The following FAM110B variants were observed in gnomAD, a reference collection of about 807,000 sequenced individuals.
FAM110B encodes the protein protein FAM110B.
Under a neutral mutation model 20.4 loss-of-function variants are expected in FAM110B, and 6 were observed. The observed-to-expected ratio is 0.29, with a 90% CI of 0.16 to 0.58. FAM110B has a LOEUF of 0.58. Among genes scored for constraint, FAM110B ranks in the 20% least tolerant of loss-of-function variants. The probability of loss-of-function intolerance (pLI) is 0.90; values close to 1 mark genes in which losing one functional copy is unlikely to be tolerated. For missense variants in FAM110B, 434 were observed against 498.2 expected (o/e 0.87, Z 1.23); for synonymous variants, 226 against 214.1 (o/e 1.06, Z -0.49).
At chr8:58,049,206 A>G (rs943910753) in intron 2 of FAM110B, among the ~76,000 whole-genome samples, 1 of 152,226 alleles carries the variant, frequency 6.6e-6, no homozygotes, top group Admixed American at 6.5e-5. Flanking sequence ...TGGTTTTGAT[A>G]TAACTTTCTA....
At chr8:58,057,410 C>T (rs976881287) in intron 2 of FAM110B, among the ~76,000 whole-genome samples, 1 of 152,100 alleles carries the variant, frequency 6.6e-6, no homozygotes, top group African/African-American at 2.4e-5. Flanking sequence ...GTAAGGCTGC[C>T]CTTCTGTATT....
chr8:58,091,601 C>A (rs1806479054), intron 3 of FAM110B: 3 of 151,998 alleles, frequency 2.0e-5, no homozygotes, highest in Non-Finnish European at 4.4e-5. Flanking sequence ...CCATCAGAGC[C>A]CATGCCTGAT....
intron 1 of FAM110B, among the ~76,000 whole-genome samples, chr8:58,014,881 G>A (rs528081065): frequency 6.6e-6 from 1 of 152,122 alleles, no homozygotes; most frequent in Non-Finnish European, 1.5e-5. Flanking sequence ...ATATTTATAA[G>A]TGTAGTGATT....
chr8:58,111,751 C>T lies in FAM110B; in HGVS notation c.-324-34156C>T, dbSNP rs147601475. ...AAGCTGCTATTTTCTAGGTCCCCCA[C>T]GTGTGTGCAAACCCCTCCTTCTCTG... is the stretch of plus-strand genomic sequence containing the variant. On this transcript the variant is annotated intron_variant, in intron 3 of 3. Coordinates refer to ENST00000519262, the MANE Select transcript of FAM110B (RefSeq NM_001377989.1). 5.5e-3 allele frequency among the ~76,000 whole-genome samples: 831 copies of T among 152,258 alleles called. 9 individuals are homozygous for T. The highest frequency in any genetic ancestry group is 0.017 in the Middle Eastern group (5 of 294).
At chr8:58,099,144 G>C (rs1806714433) in intron 3 of FAM110B, 1 of 152,100 alleles carries the variant, frequency 6.6e-6, no homozygotes, top group South Asian at 2.1e-4. Flanking sequence ...ATACCTCAAG[G>C]GATGTAGACA....
At chr8:58,136,300 G>T (rs957668306) in intron 3 of FAM110B, among the ~76,000 whole-genome samples, 3 of 152,068 alleles carry the variant, frequency 2.0e-5, no homozygotes, top group African/African-American at 4.8e-5. Context: ...GTGAGCCACC[G>T]TGCCCCGGCC....
At chr8:58,128,611 T>G (rs1176780782) in intron 3 of FAM110B, among the ~76,000 whole-genome samples, 1 of 152,222 alleles carries the variant, frequency 6.6e-6, no homozygotes, top group Non-Finnish European at 1.5e-5. Context: ...AAAAGAGCCC[T>G]TCTCATCTGT....
intron 3 of FAM110B, among the ~76,000 whole-genome samples, chr8:58,125,708 T>G (rs376243561): frequency 6.6e-6 from 1 of 152,236 alleles, no homozygotes. Context: ...AAATGTCTTA[T>G]GACCTGAGAA....
intron 3 of FAM110B, among the ~76,000 whole-genome samples, chr8:58,114,469 G>A (rs1402353138): frequency 1.3e-5 from 2 of 152,154 alleles, no homozygotes; most frequent in Non-Finnish European, 2.9e-5. Flanking sequence ...CCAGCCTCAT[G>A]CTGACCTCAG....
At chr8:58,054,240 T>C (rs1378894355) in intron 2 of FAM110B, among the ~76,000 whole-genome samples, 2 of 152,160 alleles carry the variant, frequency 1.3e-5, no homozygotes, top group African/African-American at 4.8e-5. Context: ...ATTTAATAAT[T>C]AGATCCTGAG....
chr8:58,048,842 T>A (rs867746029), intron 2 of FAM110B, among the ~76,000 whole-genome samples: 23 of 152,344 alleles, frequency 1.5e-4, no homozygotes, highest in Middle Eastern at 6.8e-3. Context: ...TTTTTAGGAA[T>A]GATTTTCAGT....
chr8:58,081,724 ACT>A, intron 3 of FAM110B, among the ~76,000 whole-genome samples: 1 of 150,818 alleles, frequency 6.6e-6, no homozygotes, highest in South Asian at 2.1e-4. Context: ...TATCCATTCC[ACT>A]CTCTTAAAGT....
At chr8:58,055,708 T>A (rs985385498) in intron 2 of FAM110B, among the ~76,000 whole-genome samples, 3 of 152,184 alleles carry the variant, frequency 2.0e-5, no homozygotes, top group Non-Finnish European at 4.4e-5. Flanking sequence ...TGAAGCATCC[T>A]CTTGTAAGTA....
At chr8:58,019,065 G>A (rs967094365) in intron 1 of FAM110B, among the ~76,000 whole-genome samples, 2 of 152,014 alleles carry the variant, frequency 1.3e-5, no homozygotes, top group East Asian at 1.9e-4. Flanking sequence ...GGCCAGGCGC[G>A]GTGGCTCACG....
chr8:58,022,143 A>G (rs549675110), intron 1 of FAM110B, among the ~76,000 whole-genome samples: 346 of 152,332 alleles, frequency 2.3e-3, no homozygotes, highest in African/African-American at 7.5e-3. Context: ...TTCATGCACA[A>G]GAGCTTTACT....
chr8:58,146,353 C>T lies in FAM110B; in HGVS notation c.123C>T (p.Ala41=). The T allele has an allele frequency of 6.2e-7, 1 of 1,614,020 alleles. No individual in the cohort carries two copies. The highest frequency in any genetic ancestry group is 1.1e-5 in the South Asian group (1 of 91,080). Reference sequence around the variant, plus strand: ...GGCCAGACTACTTCCGCAGGCAGGCCGAGCCCAACCCCAAGAGGCTCAGCG... The same window carrying T: ...GGCCAGACTACTTCCGCAGGCAGGCTGAGCCCAACCCCAAGAGGCTCAGCG... ...NKGPDYFRRQ[A]EPNPKRLSAV... Residue 41 remains alanine (A), a synonymous_variant, in exon 4 of 4, where the codon GCC becomes GCT. Transcript: ENST00000519262.
intron 1 of FAM110B, among the ~76,000 whole-genome samples, chr8:58,016,513 G>A (rs188371100): frequency 6.6e-6 from 1 of 152,316 alleles, no homozygotes; most frequent in Non-Finnish European, 1.5e-5. Flanking sequence ...GTGGGAGCGG[G>A]GAGCTCAGTT....
Position 58,079,419 on chromosome 8 carries a change from A to G in FAM110B, c.-325+3796A>G, listed in dbSNP as rs138241009. On this transcript the variant is annotated intron_variant, in intron 3 of 3. Coordinates refer to ENST00000519262, the MANE Select transcript of FAM110B (RefSeq NM_001377989.1). The stretch of plus-strand genomic sequence containing the variant: ...CATACTCAGAAGGAAGTATAATTCT[A>G]TTTTTGAGGATTTAACACACACTTA... 2.7e-3 allele frequency among the ~76,000 whole-genome samples: 418 copies of G among 152,310 alleles called. 6 individuals carry two copies. Among genetic ancestry groups the G allele is most frequent in the African/African-American group, 9.8e-3 (407 of 41,558 alleles).
rs1807208784 is a variant in FAM110B, at chr8:58,116,209, T to C, written c.-324-29698T>C. 3.3e-5 allele frequency among the ~76,000 whole-genome samples: 5 copies of C among 152,230 alleles called. No individual in the cohort carries two copies. The South Asian group carries it at 1.0e-3, about 31-fold the overall frequency. Reference sequence around the variant, plus strand: ...GGTTCAAACCCCTCGGATCATTGCATTAGCCTGTTAACTGTTTCCTGCTTC... The same window carrying C: ...GGTTCAAACCCCTCGGATCATTGCACTAGCCTGTTAACTGTTTCCTGCTTC... On this transcript the variant is annotated intron_variant, in intron 3 of 3. Transcript: ENST00000519262.
Sources: allele counts gnomAD v4.1 joint callset (sites outside exome capture counted in the v4.1 genomes callset), GRCh38; gene constraint gnomAD v4.1.1; transcripts MANE v1.5; gene names NCBI Gene and HGNC (gene_info 2026-07-23, HGNC 2026-07-21).